NAA15: variants seen among roughly 807,000 people sequenced by gnomAD.
NAA15 encodes the protein N-terminal acetyltransferase.
Under a neutral mutation model 114.0 loss-of-function variants are expected in NAA15, and 34 were observed. The observed-to-expected ratio is 0.30, with a 90% CI of 0.23 to 0.40. The LOEUF (loss-of-function observed/expected upper bound fraction) is 0.40. NAA15 is among the 10% of genes least tolerant of loss of function. The pLI is 1.00. For missense variants in NAA15, 658 were observed against 1,004.5 expected, an observed-to-expected ratio of 0.66 and a Z score of 4.66; for synonymous variants, 340 against 338.0, an observed-to-expected ratio of 1.01 and a Z score of -0.06.
intron 1 of NAA15, among the ~76,000 whole-genome samples, chr4:139,323,058 T>C (rs568796541): frequency 1.1e-3 from 154 of 144,694 alleles, no homozygotes; most frequent in East Asian, 6.3e-3. Flanking sequence ...CTTTTCTTTT[T>C]TTTTTTTTTT....
intron 1 of NAA15, among the ~76,000 whole-genome samples, chr4:139,332,061 C>T (rs968039213): frequency 1.3e-5 from 2 of 152,108 alleles, no homozygotes; most frequent in African/African-American, 4.8e-5. Context: ...TAGCTTTTGA[C>T]TCTGCTCCAC....
chr4:139,384,998 CT>C lies in NAA15; in HGVS notation c.2302+22del. Reference sequence around the variant, plus strand: ...TATCAGGTAATCACTTTATTTTATCCTTAGCCTTCTAAAACAACTTCAGTAA... The same window carrying C: ...TATCAGGTAATCACTTTATTTTATCCTAGCCTTCTAAAACAACTTCAGTAA... On this transcript the variant is annotated intron_variant, in intron 18 of 19. Transcript: ENST00000296543. 6.8e-7 allele frequency: 1 copy of C among 1,479,720 alleles called. No individual in the cohort carries two copies. The highest frequency in any genetic ancestry group is 9.0e-7 in the Non-Finnish European group (1 of 1,113,532). The allele number at this position is 1,479,720 out of a possible 1,614,324, so 91.7% of individuals were successfully genotyped here.
At chr4:139,343,493 A>C (rs2110916518) in intron 5 of NAA15, among the ~76,000 whole-genome samples, 1 of 151,794 alleles carries the variant, frequency 6.6e-6, no homozygotes, top group East Asian at 1.9e-4. Flanking sequence ...AATCTGAAAC[A>C]GTTTTGAAAA....
At chr4:139,359,173 G>T (rs574230621) in intron 11 of NAA15, among the ~76,000 whole-genome samples, 1 of 151,984 alleles carries the variant, frequency 6.6e-6, no homozygotes, top group African/African-American at 2.4e-5. Flanking sequence ...CTGTCACCCA[G>T]GCTAGAGTGC....
chr4:139,369,487 C>A (rs1301399113), intron 14 of NAA15, among the ~76,000 whole-genome samples: 1 of 152,012 alleles, frequency 6.6e-6, no homozygotes, highest in Non-Finnish European at 1.5e-5. Context: ...CGCCTGTAAT[C>A]CCAGCACTTT....
intron 10 of NAA15, among the ~76,000 whole-genome samples, chr4:139,356,069 A>G (rs1747939316): frequency 6.6e-6 from 1 of 152,240 alleles, no homozygotes; most frequent in African/African-American, 2.4e-5. Flanking sequence ...CTTCAAAGAC[A>G]GCAAATACGT....
At chr4:139,320,079 C>T (rs942947452) in intron 1 of NAA15, among the ~76,000 whole-genome samples, 1 of 152,186 alleles carries the variant, frequency 6.6e-6, no homozygotes, top group Non-Finnish European at 1.5e-5. Flanking sequence ...TCTTAGATAT[C>T]TCTTTCATCT....
At chr4:139,373,087 G>T (rs537651828) in intron 15 of NAA15, among the ~76,000 whole-genome samples, 1 of 152,098 alleles carries the variant, frequency 6.6e-6, no homozygotes, top group East Asian at 1.9e-4. Context: ...CTACCATGTT[G>T]CCCAGGCTGG....
At chr4:139,308,358 A>G (rs1024677576) in intron 1 of NAA15, among the ~76,000 whole-genome samples, 25 of 152,198 alleles carry the variant, frequency 1.6e-4, no homozygotes, top group Middle Eastern at 3.2e-3. Flanking sequence ...TCAGTTGCTG[A>G]TGAAATTTAG....
rs144010774 is a variant in NAA15, at chr4:139,337,657, G to A, written c.244+705G>A. 2.2e-3 allele frequency among the ~76,000 whole-genome samples: 342 copies of A among 152,284 alleles called. 3 individuals carry two copies. Among genetic ancestry groups the A allele is most frequent in the Non-Finnish European group, 2.1e-3 (144 of 68,020 alleles). On this transcript the variant is annotated intron_variant, in intron 3 of 19. Transcript: ENST00000296543. ...GTTGCTATTTTTAAGATAGACTTTA[G>A]CAAATATTTCTATACCAACTTTGTG... is the stretch of plus-strand genomic sequence containing the variant.
chr4:139,338,195 G>C (rs1747260546), intron 3 of NAA15, among the ~76,000 whole-genome samples: 1 of 152,288 alleles, frequency 6.6e-6, no homozygotes, highest in South Asian at 2.1e-4. Context: ...ATTAGTGATA[G>C]AAATGGGAGG....
At chr4:139,301,911 G>A in intron 1 of NAA15, 80 bp downstream of exon 1, 1 of 1,464,488 alleles carries the variant, frequency 6.8e-7, no homozygotes, top group South Asian at 1.3e-5. Flanking sequence ...CGGCCCGGCG[G>A]GCACTGAGCC....
At chr4:139,356,716 G>T (rs983995311) in intron 10 of NAA15, 1 of 151,922 alleles carries the variant, frequency 6.6e-6, no homozygotes, top group South Asian at 2.1e-4. Flanking sequence ...TATTAAAAAA[G>T]AATTTTTTAA....
Position 139,351,487 on chromosome 4 carries a change from G to A in NAA15, c.908-18G>A. The stretch of plus-strand genomic sequence containing the variant: ...AATACTTGATAAATATAAGCGAAAA[G>A]GATTTTTCTCTTCCAAGGTGAGAAG... On this transcript the variant is annotated intron_variant, in intron 8 of 19. Transcript: ENST00000296543. 7.1e-7 allele frequency: 1 copy of A among 1,415,320 alleles called. No homozygotes were observed. The highest frequency in any genetic ancestry group is 9.9e-7 in the Non-Finnish European group (1 of 1,005,808). The allele number at this position is 1,415,320 out of a possible 1,614,324, so 87.7% of individuals were successfully genotyped here.
intron 1 of NAA15, chr4:139,318,400 A>G (rs539980666): frequency 2.6e-4 from 39 of 152,312 alleles, no homozygotes; most frequent in African/African-American, 8.7e-4. Context: ...CAGCACATAT[A>G]CTAAAATTGG....
At chr4:139,334,324 C>T (rs1747126034) in intron 2 of NAA15, 66 bp downstream of exon 2, 1 of 1,042,050 alleles carries the variant, frequency 9.6e-7, no homozygotes, top group Non-Finnish European at 1.4e-6. Context: ...TTGTATTCTT[C>T]CCAGCTGCCT....
At chr4:139,332,351 G>A (rs1747041102) in intron 1 of NAA15, among the ~76,000 whole-genome samples, 1 of 151,622 alleles carries the variant, frequency 6.6e-6, no homozygotes, top group Non-Finnish European at 1.5e-5. Context: ...GGCTGGTCTC[G>A]AACTTCTGAC....
At chr4:139,313,544 CTTT>C (rs36015550) in intron 1 of NAA15, among the ~76,000 whole-genome samples, 3 of 142,582 alleles carry the variant, frequency 2.1e-5, no homozygotes, top group African/African-American at 2.6e-5. Flanking sequence ...ATATTTCTTT[CTTT>C]TTTTTTTTTT....
At chr4:139,379,212 T>C (rs992456992) in intron 17 of NAA15, 1 of 165,024 alleles carries the variant, frequency 6.1e-6, no homozygotes, top group Non-Finnish European at 1.3e-5. Context: ...TTCTCCTTAT[T>C]TATCTGTATT....
Sources: gnomAD v4.1 joint callset for allele counts (sites outside exome capture counted in the v4.1 genomes callset) on GRCh38, gnomAD v4.1.1 for gene constraint, MANE v1.5 for transcripts, NCBI Gene and HGNC (gene_info 2026-07-23, HGNC 2026-07-21) for gene names.